AGBL4: variants seen among roughly 807,000 people sequenced by gnomAD.
The protein encoded by AGBL4 is cytosolic carboxypeptidase 6.
Under a neutral mutation model 66.4 loss-of-function variants are expected in AGBL4, and 58 were observed. The observed-to-expected ratio is 0.87, with a 90% CI of 0.71 to 1.09. The LOEUF (loss-of-function observed/expected upper bound fraction) is 1.09. Among genes scored for constraint, AGBL4 ranks in the 50% least tolerant of loss-of-function variants. The probability of loss-of-function intolerance (pLI) is 0.00; values close to 1 mark genes in which losing one functional copy is unlikely to be tolerated. For missense variants in AGBL4, 579 were observed against 631.0 expected (o/e 0.92, Z 0.88); for synonymous variants, 234 against 222.9 (o/e 1.05, Z -0.44).
At chr1:49,161,998 A>G (rs976882782) in intron 4 of AGBL4, among the ~76,000 whole-genome samples, 1 of 152,148 alleles carries the variant, frequency 6.6e-6, no homozygotes, top group African/African-American at 2.4e-5. Context: ...AACAAGTGCA[A>G]TCTCTTACTA....
chr1:48,539,693 T>C lies in AGBL4; in HGVS notation c.1313A>G (p.Tyr438Cys). The C allele has an allele frequency of 5.2e-6, 8 of 1,545,596 alleles. No homozygotes were observed. Among genetic ancestry groups the C allele is most frequent in the Non-Finnish European group, 7.0e-6 (8 of 1,143,034 alleles). The change falls in exon 12 of 14, where the codon TAT (tyrosine) becomes TGT (cysteine). Residue 438 changes from tyrosine to cysteine, a missense_variant. Tyr to Cys is a radical substitution (Grantham distance 194). Coordinates refer to ENST00000371839, the MANE Select transcript of AGBL4 (RefSeq NM_032785.4). ...CTTTTCAACCACGGGGTTCAGCCGA[T>C]AATAGTCCAAAAAGGTTCTTGCCAC... ...RNVARTFLDY[Y>C]RLNPVVEKVA...
At chr1:49,915,420 G>A (rs1651326497) in intron 1 of AGBL4, among the ~76,000 whole-genome samples, 1 of 152,170 alleles carries the variant, frequency 6.6e-6, no homozygotes, top group Non-Finnish European at 1.5e-5. Context: ...TTAACAAACG[G>A]CACACCAAGA....
At chr1:49,199,935 C>A (rs192720818) in intron 4 of AGBL4, among the ~76,000 whole-genome samples, 1 of 152,116 alleles carries the variant, frequency 6.6e-6, no homozygotes, top group African/African-American at 2.4e-5. Flanking sequence ...TGTCCCATAG[C>A]CATGATATGT....
chr1:48,552,040 T>C (rs1052696208), intron 11 of AGBL4, among the ~76,000 whole-genome samples: 2 of 152,166 alleles, frequency 1.3e-5, no homozygotes, highest in African/African-American at 4.8e-5. Context: ...ATTCATTCAC[T>C]TGTTCATTCA....
At chr1:49,337,591 A>G (rs1329680103) in intron 3 of AGBL4, among the ~76,000 whole-genome samples, 1 of 152,314 alleles carries the variant, frequency 6.6e-6, no homozygotes. Context: ...TGGTCATCAC[A>G]TCCTTATTTC....
chr1:49,243,323 G>A (rs1157133469), intron 4 of AGBL4, among the ~76,000 whole-genome samples: 3 of 151,638 alleles, frequency 2.0e-5, no homozygotes, highest in African/African-American at 7.2e-5. Context: ...TTTGAGTTAG[G>A]TCATTGCCAA....
intron 3 of AGBL4, among the ~76,000 whole-genome samples, chr1:49,269,519 C>T (rs77130740): frequency 3.2e-3 from 492 of 152,230 alleles, no homozygotes; most frequent in Non-Finnish European, 5.7e-3. Context: ...GAGAGTCTGA[C>T]ACTTTTAAAG....
chr1:49,590,477 A>G (rs1049857987), intron 3 of AGBL4, among the ~76,000 whole-genome samples: 8 of 151,788 alleles, frequency 5.3e-5, no homozygotes, highest in African/African-American at 1.9e-4. Flanking sequence ...CAAGGAAGGG[A>G]GGGAGGGAAA....
chr1:49,474,396 A>G (rs767969254), intron 3 of AGBL4, among the ~76,000 whole-genome samples: 151 of 151,812 alleles, frequency 9.9e-4, no homozygotes, highest in Middle Eastern at 3.4e-3. Context: ...TGTAAATGGG[A>G]TTACATTCTC....
intron 3 of AGBL4, among the ~76,000 whole-genome samples, chr1:49,376,322 T>C (rs1324697552): frequency 6.6e-6 from 1 of 152,072 alleles, no homozygotes; most frequent in East Asian, 1.9e-4. Context: ...CCTCTACAGA[T>C]GACATCATGT....
At chr1:49,495,066 T>A (rs1036211383) in intron 3 of AGBL4, among the ~76,000 whole-genome samples, 4 of 152,116 alleles carry the variant, frequency 2.6e-5, no homozygotes, top group African/African-American at 9.6e-5. Flanking sequence ...GTCTCCTCAA[T>A]ATCCACATTC....
chr1:48,994,255 TC>T (rs1466049996), intron 5 of AGBL4, among the ~76,000 whole-genome samples: 1 of 152,200 alleles, frequency 6.6e-6, no homozygotes, highest in East Asian at 1.9e-4. Flanking sequence ...GACATTTCTT[TC>T]TTTTATTCTC....
chr1:49,779,370 G>A (rs1371061872), intron 2 of AGBL4, among the ~76,000 whole-genome samples: 1 of 152,194 alleles, frequency 6.6e-6, no homozygotes, highest in African/African-American at 2.4e-5. Flanking sequence ...AATGGTGCCA[G>A]CTCTCCAGTG....
At position 49,566,650 on chromosome 1, in the gene AGBL4, C is replaced by A. The variant is rs575833381; in HGVS notation, c.282+130663G>T. On this transcript the variant is annotated intron_variant, in intron 3 of 13. Coordinates refer to ENST00000371839, the MANE Select transcript of AGBL4 (RefSeq NM_032785.4). Reference sequence around the variant, plus strand: ...CCGCAAATGCTGCTGCCTGATCGTTCCTCTGGAAGTTTTGTCTCAGAGGGG... The same window carrying A: ...CCGCAAATGCTGCTGCCTGATCGTTACTCTGGAAGTTTTGTCTCAGAGGGG... Among the ~76,000 whole-genome samples the A allele has an allele frequency of 5.3e-5, 8 of 152,268 alleles. No individual in the cohort carries two copies. The South Asian group carries it at 1.7e-3, about 32-fold the overall frequency.
intron 1 of AGBL4, among the ~76,000 whole-genome samples, chr1:50,014,318 C>G (rs957862412): frequency 5.3e-5 from 8 of 151,508 alleles, no homozygotes; most frequent in African/African-American, 1.2e-4. Flanking sequence ...CTGCAGTGAG[C>G]CAAGATCACA....
At chr1:49,065,674 G>A (rs1327372072) in intron 4 of AGBL4, among the ~76,000 whole-genome samples, 2 of 152,146 alleles carry the variant, frequency 1.3e-5, no homozygotes, top group Non-Finnish European at 2.9e-5. Context: ...TGCATCCTCT[G>A]TCTTGCCTAA....
chr1:49,526,336 T>G (rs1650661901), intron 3 of AGBL4, among the ~76,000 whole-genome samples: 1 of 152,058 alleles, frequency 6.6e-6, no homozygotes, highest in African/African-American at 2.4e-5. Context: ...GTCCTTGATC[T>G]TACATTTGTA....
chr1:49,835,349 CT>C (rs1472845418), intron 2 of AGBL4, among the ~76,000 whole-genome samples: 2 of 152,114 alleles, frequency 1.3e-5, no homozygotes, highest in East Asian at 3.9e-4. Flanking sequence ...CTTTTTTGAT[CT>C]TTGTTGGTTT....
intron 2 of AGBL4, among the ~76,000 whole-genome samples, chr1:49,836,300 G>T (rs1645847836): frequency 6.6e-6 from 1 of 151,792 alleles, no homozygotes; most frequent in Non-Finnish European, 1.5e-5. Flanking sequence ...CTCTAATATT[G>T]TCTTCATGGT....
Sources: allele counts gnomAD v4.1 joint callset (sites outside exome capture counted in the v4.1 genomes callset), GRCh38; gene constraint gnomAD v4.1.1; transcripts MANE v1.5; gene names NCBI Gene and HGNC (gene_info 2026-07-23, HGNC 2026-07-21).